The following CELF4 variants were observed in gnomAD, a reference collection of about 807,000 sequenced individuals.
CELF4 encodes CUG-BP- and ETR-3-like factor 4.
Under a neutral mutation model 59.9 loss-of-function variants are expected in CELF4, and 18 were observed. The observed-to-expected ratio is 0.30, with a 90% CI of 0.21 to 0.45. CELF4 has a LOEUF of 0.45. Among genes scored for constraint, CELF4 ranks in the 20% least tolerant of loss-of-function variants. CELF4 has a pLI of 1.00. For missense variants in CELF4, 456 were observed against 689.0 expected (o/e 0.66, Z 3.79); for synonymous variants, 261 against 267.1 (o/e 0.98, Z 0.22).
intron 3 of CELF4, among the ~76,000 whole-genome samples, chr18:37,317,281 G>A (rs970261287): frequency 1.3e-5 from 2 of 152,190 alleles, no homozygotes; most frequent in African/African-American, 2.4e-5. Context: ...CAGCTACTCC[G>A]GAGGCTGAGG....
chr18:37,403,097 A>G (rs1386267737), intron 2 of CELF4, among the ~76,000 whole-genome samples: 2 of 151,972 alleles, frequency 1.3e-5, no homozygotes, highest in African/African-American at 4.8e-5. Flanking sequence ...CTAATCTGAG[A>G]CAGTGAGAGT....
chr18:37,396,375 G>A (rs1367838631), intron 2 of CELF4, among the ~76,000 whole-genome samples: 1 of 152,206 alleles, frequency 6.6e-6, no homozygotes, highest in Non-Finnish European at 1.5e-5. Flanking sequence ...TGTCCTAGCT[G>A]TGCTGCCCTT....
intron 1 of CELF4, among the ~76,000 whole-genome samples, chr18:37,536,114 C>A (rs537672160): frequency 9.2e-5 from 14 of 152,004 alleles, no homozygotes; most frequent in African/African-American, 3.4e-4. Flanking sequence ...TTTCCCCTGA[C>A]GCCTGGACAT....
chr18:37,465,838 G>A (rs1470110637), intron 2 of CELF4, among the ~76,000 whole-genome samples: 1 of 152,286 alleles, frequency 6.6e-6, no homozygotes, highest in Non-Finnish European at 1.5e-5. Context: ...AAGAATTGGG[G>A]CAGGGGATGC....
intron 3 of CELF4, among the ~76,000 whole-genome samples, chr18:37,282,755 T>A (rs955028997): frequency 6.6e-6 from 1 of 152,140 alleles, no homozygotes; most frequent in Admixed American, 6.5e-5. Context: ...CCTGCAGCTA[T>A]GTGACCAGGC....
At chr18:37,408,081 G>A (rs769447808) in intron 2 of CELF4, among the ~76,000 whole-genome samples, 2 of 152,176 alleles carry the variant, frequency 1.3e-5, no homozygotes, top group African/African-American at 2.4e-5. Context: ...GGCAGAAAGT[G>A]GAATTTGGAA....
chr18:37,414,360 A>G (rs1460253722), intron 2 of CELF4, among the ~76,000 whole-genome samples: 1 of 151,574 alleles, frequency 6.6e-6, no homozygotes, highest in African/African-American at 2.4e-5. Flanking sequence ...CCATCCACCT[A>G]TCCATCTACG....
chr18:37,474,674 A>C (rs1049845317), intron 2 of CELF4, among the ~76,000 whole-genome samples: 2 of 152,242 alleles, frequency 1.3e-5, no homozygotes, highest in Non-Finnish European at 2.9e-5. Context: ...ATATTTGTGA[A>C]GTGTCTGGCT....
rs2067561981 is a variant in CELF4 at position 37,254,165 on chromosome 18, G to GTC, written c.1334-229_1334-228dup. On this transcript the variant is annotated intron_variant, in intron 11 of 12. Coordinates refer to ENST00000420428, the MANE Select transcript of CELF4 (RefSeq NM_020180.4). The surrounding 1 kb of genome is among the most constrained non-coding windows in gnomAD (Gnocchi z 5.1). Reference sequence around the variant, plus strand: ...GACCCGGCTCGCTGACCTGCGCCTAGTCTCTGGCCGCGTCACTCGCCCGGC... The same window carrying GTC: ...GACCCGGCTCGCTGACCTGCGCCTAGTCTCTCTGGCCGCGTCACTCGCCCGGC... Among the ~76,000 whole-genome samples the GTC allele has an allele frequency of 6.6e-6, 1 of 150,882 alleles. No homozygotes were observed. The highest frequency in any genetic ancestry group is 6.6e-5 in the Admixed American group (1 of 15,164).
At chr18:37,303,464 A>T (rs1281041650) in intron 3 of CELF4, among the ~76,000 whole-genome samples, 2 of 152,200 alleles carry the variant, frequency 1.3e-5, no homozygotes, top group African/African-American at 2.4e-5. Context: ...CATTTTCAGC[A>T]GTAATTATGT....
chr18:37,254,558 G>A lies in CELF4; in HGVS notation c.1334-620C>T, dbSNP rs1243657402. Among the ~76,000 whole-genome samples the A allele has an allele frequency of 1.3e-5, 2 of 152,108 alleles. No homozygotes were observed. The highest frequency in any genetic ancestry group is 4.8e-5 in the African/African-American group (2 of 41,448). The stretch of plus-strand genomic sequence containing the variant: ...CTCCCGGCCTCTGCCCGCCCCGCCA[G>A]GCTCCGGGTGGGCCCTGGGCGTCAC... On this transcript the variant is annotated intron_variant, in intron 11 of 12. Transcript: ENST00000420428. This position sits in a 1 kb window ranked among gnomAD's most constrained non-coding sequence, Gnocchi z 5.1.
chr18:37,281,227 GA>G (rs2094105273), intron 3 of CELF4, among the ~76,000 whole-genome samples: 1 of 152,248 alleles, frequency 6.6e-6, no homozygotes, highest in Non-Finnish European at 1.5e-5. Flanking sequence ...CGGGCAGGGT[GA>G]GTGGGCCTCT....
At chr18:37,260,106 A>G (rs1345613997) in intron 10 of CELF4, among the ~76,000 whole-genome samples, 1 of 152,216 alleles carries the variant, frequency 6.6e-6, no homozygotes, top group Non-Finnish European at 1.5e-5. Context: ...TGAGGAAGTG[A>G]GGCCCAGAGA....
rs2097656852 is a variant in CELF4, at chr18:37,333,774, CTCCATCCATGCATCCATCCATCCATCCA to C, written c.370-11921_370-11894del. ...CATCCATCCGTGCATCCATCCATCC[CTCCATCCATGCATCCATCCATCCATCCA>C]TCCATCCATGCATCCATCCATCCAT... On this transcript the variant is annotated intron_variant, in intron 2 of 12. Coordinates refer to ENST00000420428, the MANE Select transcript of CELF4 (RefSeq NM_020180.4). 5.9e-5 allele frequency among the ~76,000 whole-genome samples: 8 copies of C among 135,916 alleles called. No individual in the cohort carries two copies. In the South Asian group the frequency reaches 1.5e-3, roughly 26 times the overall value. The allele number at this position is 135,916 out of a possible 152,430, so 89.2% of individuals were successfully genotyped here. A position where few individuals can be genotyped will look rare whatever the true frequency, so the allele number is the denominator to read the frequency against.
rs145932686 is a variant in CELF4 at position 37,273,146 on chromosome 18, C to T, written c.819G>A (p.Ala273=). The change falls in exon 7 of 13, where the codon GCG becomes GCA. Residue 273 remains alanine, a synonymous_variant. Coordinates refer to ENST00000420428, the MANE Select transcript of CELF4 (RefSeq NM_020180.4). ...CCTGCGCGACTGATGCCATCAGGGC[C>T]GCTTGCTGCTGCATCAGCTGGGGCA... is the stretch of plus-strand genomic sequence containing the variant. ...AYAQALMQQQ[A]ALMASVAQGG... 40 of 1,609,886 alleles carry T rather than the reference C, an allele frequency of 2.5e-5. No individual in the cohort carries two copies. Among genetic ancestry groups the T allele is most frequent in the Admixed American group, 8.3e-5 (5 of 59,934 alleles).
chr18:37,280,698 C>T (rs933779401), intron 3 of CELF4, among the ~76,000 whole-genome samples: 5 of 152,190 alleles, frequency 3.3e-5, no homozygotes, highest in Non-Finnish European at 5.9e-5. Context: ...GGAGGGACGC[C>T]TTCGGCTGCC....
rs571483699 is a variant in CELF4 at position 37,385,265 on chromosome 18, G to A, written c.370-63384C>T. On this transcript the variant is annotated intron_variant, in intron 2 of 12. Transcript: ENST00000420428. The stretch of plus-strand genomic sequence containing the variant: ...CCGGAGGCTGAAGCAGGAGAATCTC[G>A]AATCGCTTGAACTCGGGAGGCGGAG... Among the ~76,000 whole-genome samples, 164 of 145,630 alleles carry A rather than the reference G, an allele frequency of 1.1e-3. 1 individual carries two copies. In the South Asian group the frequency reaches 0.024, roughly 21 times the overall value.
rs935175924 is a variant in CELF4 at position 37,254,283 on chromosome 18, C to T, written c.1334-345G>A. ...GGCCCCGGCACCTCAGCCCTCGCCT[C>T]GGCGGGAGAGGGCGGACACACCTGC... On this transcript the variant is annotated intron_variant, in intron 11 of 12. Transcript: ENST00000420428. The surrounding 1 kb of genome is among the most constrained non-coding windows in gnomAD (Gnocchi z 5.1). Among the ~76,000 whole-genome samples, 6 of 151,724 alleles carry T rather than the reference C, an allele frequency of 4.0e-5. No individual in the cohort carries two copies. Among genetic ancestry groups the T allele is most frequent in the Non-Finnish European group, 8.8e-5 (6 of 67,858 alleles).
intron 2 of CELF4, among the ~76,000 whole-genome samples, chr18:37,455,482 G>A (rs1014434776): frequency 1.3e-5 from 2 of 152,206 alleles, no homozygotes; most frequent in Admixed American, 6.5e-5. Context: ...GGGCTGTAGG[G>A]GGCAGGAAGG....
Sources: allele counts gnomAD v4.1 joint callset (sites outside exome capture counted in the v4.1 genomes callset), GRCh38; gene constraint gnomAD v4.1.1; non-coding constraint Gnocchi (gnomAD v3.1); transcripts MANE v1.5; gene names NCBI Gene and HGNC (gene_info 2026-07-23, HGNC 2026-07-21).